Variants in FXR2 observed in about 807,000 individuals in gnomAD.
FXR2 encodes RNA-binding protein FXR2.
Under a neutral mutation model 87.3 loss-of-function variants are expected in FXR2, and 9 were observed. The ratio of observed to expected loss-of-function variants is 0.10; its 90% CI spans 0.06 to 0.18. The LOEUF (loss-of-function observed/expected upper bound fraction) is 0.18, where lower values mean the gene tolerates loss of function less well. Ranked by LOEUF, FXR2 falls within the 10% of genes least tolerant of loss-of-function variation. The probability of loss-of-function intolerance (pLI) is 1.00; values close to 1 mark genes in which losing one functional copy is unlikely to be tolerated. For synonymous variants in FXR2, 331 were observed against 328.3 expected, an observed-to-expected ratio of 1.01 and a Z score of -0.09; for missense variants, 661 against 893.6, an observed-to-expected ratio of 0.74 and a Z score of 3.32.
chr17:7,605,784 G>A (rs2071798536), intron 2 of FXR2, 46 bp from the exon 3 acceptor site: 1 of 1,089,378 alleles, frequency 9.2e-7, no homozygotes, highest in African/African-American at 1.5e-5. Context: ...GACTGATATG[G>A]TTGCCCATTT....
At chr17:7,596,106 A>G (rs2071705431) in intron 7 of FXR2, 112 bp from the exon 8 acceptor site, 10 of 851,110 alleles carry the variant, frequency 1.2e-5, no homozygotes, top group Admixed American at 2.2e-5. Context: ...ATAGAAAGCT[A>G]GAACCACTCT....
chr17:7,605,563 GA>G, intron 3 of FXR2, 81 bp downstream of exon 3: 1 of 731,746 alleles, frequency 1.4e-6, no homozygotes, highest in Non-Finnish European at 2.4e-6. Context: ...AGTTGGGGAG[GA>G]AGGAACATGA....
chr17:7,604,222 A>G (rs2150945250), intron 3 of FXR2, 142 bp from the exon 4 acceptor site: 1 of 659,894 alleles, frequency 1.5e-6, no homozygotes, highest in Non-Finnish European at 2.7e-6. Flanking sequence ...GCTTATGCCC[A>G]GGAGTTCAAG....
In FXR2 at chr17:7,593,666, G is replaced by A. The variant is rs949983747; in HGVS notation, c.1108-41C>T. On this transcript the variant is annotated intron_variant, in intron 11 of 16. Transcript: ENST00000250113. The surrounding 1 kb of genome is among the most constrained non-coding windows in gnomAD (Gnocchi z 6.1). The stretch of plus-strand genomic sequence containing the variant: ...ATGGAAGAAGGGGAAGGAGAAATAA[G>A]ATCAGTGCCTTGCTTCATGCTTCTG... 6 of 1,350,132 alleles carry A rather than the reference G, an allele frequency of 4.4e-6. No homozygotes were observed. The Admixed American group carries it at 7.8e-5, about 18-fold the overall frequency. 83.6% of individuals were successfully genotyped at this position (1,350,132 alleles called of 1,614,324 possible). A position where few individuals can be genotyped will look rare whatever the true frequency, so the allele number is the denominator to read the frequency against.
chr17:7,607,182 G>A lies in FXR2; in HGVS notation c.82-1033C>T, dbSNP rs189599455. ...AAAATACAAAAATTAGCCAGGTGTGGTGGTGCATGTCTGTAATCCCAGCTA... is the reference window on the plus strand; with the variant it reads ...AAAATACAAAAATTAGCCAGGTGTGATGGTGCATGTCTGTAATCCCAGCTA... On this transcript the variant is annotated intron_variant, in intron 1 of 16. Coordinates refer to ENST00000250113, the MANE Select transcript of FXR2 (RefSeq NM_004860.4). 4.1e-4 allele frequency among the ~76,000 whole-genome samples: 63 copies of A among 152,074 alleles called. No homozygotes were observed. In the East Asian group the frequency reaches 0.011, roughly 27 times the overall value.
At position 7,594,953 on chromosome 17, in the gene FXR2, A is replaced by G. The variant is rs72827590; in HGVS notation, c.832-196T>C. 0.08 allele frequency among the ~76,000 whole-genome samples: 12,121 copies of G among 152,060 alleles called. 620 individuals are homozygous for G. The highest frequency in any genetic ancestry group is 0.12 in the East Asian group (598 of 5,176). Reference sequence around the variant, plus strand: ...ACAAAAATCAAAATACAAAAATACTAAAATACTAAAAATACAAAATTGGTG... The same window carrying G: ...ACAAAAATCAAAATACAAAAATACTGAAATACTAAAAATACAAAATTGGTG... On this transcript the variant is annotated intron_variant, in intron 8 of 16. Coordinates refer to ENST00000250113, the MANE Select transcript of FXR2 (RefSeq NM_004860.4). The surrounding 1 kb of genome is among the most constrained non-coding windows in gnomAD (Gnocchi z 5.1).
At chr17:7,603,404 G>A (rs1243479918) in intron 5 of FXR2, among the ~76,000 whole-genome samples, 2 of 151,796 alleles carry the variant, frequency 1.3e-5, no homozygotes, top group African/African-American at 4.8e-5. Flanking sequence ...GTGCATGCCT[G>A]TAATCCCAGC....
intron 1 of FXR2, among the ~76,000 whole-genome samples, chr17:7,606,585 A>G (rs2071804902): frequency 6.6e-6 from 1 of 152,214 alleles, no homozygotes; most frequent in Non-Finnish European, 1.5e-5. Context: ...CTACCTCCGC[A>G]ATACAGCAAG....
Position 7,595,763 on chromosome 17 carries a change from A to C in FXR2, c.831+61T>G. On this transcript the variant is annotated intron_variant, in intron 8 of 16. Transcript: ENST00000250113. This position sits in a 1 kb window ranked among gnomAD's most constrained non-coding sequence, Gnocchi z 4.7. ...GTGCCCAGTTTGAGGCTTATTTTCT[A>C]CTTCGGCCTCTCTTCCCTCTATCCC... The C allele has an allele frequency of 7.2e-7, 1 of 1,393,452 alleles. No individual in the cohort carries two copies. Among genetic ancestry groups the C allele is most frequent in the South Asian group, 1.2e-5 (1 of 81,706 alleles). 86.3% of individuals were successfully genotyped at this position (1,393,452 alleles called of 1,614,324 possible).
At chr17:7,611,603 G>A (rs1401466266) in intron 1 of FXR2, among the ~76,000 whole-genome samples, 1 of 152,088 alleles carries the variant, frequency 6.6e-6, no homozygotes, top group Admixed American at 6.6e-5. Context: ...GGGAGGCGGA[G>A]GCTGCAGTGA....
In FXR2 at chr17:7,605,695, G is replaced by A. The variant is rs1324358098; in HGVS notation, c.178C>T (p.Pro60Ser). 1 of 1,600,460 alleles carries A rather than the reference G, an allele frequency of 6.2e-7. No homozygotes were observed. The highest frequency in any genetic ancestry group is 8.6e-7 in the Non-Finnish European group (1 of 1,168,720). ...RQIPFGDVRL[P>S]PPADYNKEIT... ...TCCTTATTATAGTCAGCTGGAGGTGGTAGCCGGACATCCCCAAAAGGAATT... is the reference window on the plus strand; with the variant it reads ...TCCTTATTATAGTCAGCTGGAGGTGATAGCCGGACATCCCCAAAAGGAATT... Residue 60 changes from proline to serine, a missense_variant, in exon 3 of 17, where the codon CCA (proline) becomes TCA (serine). Pro to Ser is a moderately conservative substitution (Grantham distance 74). This residue lies in a region of FXR2 where 170 missense variants were observed against 247.2 expected (regional missense o/e 0.69). Transcript: ENST00000250113.
At chr17:7,608,077 C>T (rs907597540) in intron 1 of FXR2, among the ~76,000 whole-genome samples, 3 of 151,990 alleles carry the variant, frequency 2.0e-5, no homozygotes, top group Non-Finnish European at 4.4e-5. Flanking sequence ...AGGTATGAAC[C>T]ATCGCACCAG....
At chr17:7,602,247 C>A (rs1441302261) in intron 6 of FXR2, among the ~76,000 whole-genome samples, 3 of 151,950 alleles carry the variant, frequency 2.0e-5, no homozygotes, top group East Asian at 3.9e-4. Flanking sequence ...TATGGTGAAA[C>A]CCTGTTTCTA....
rs1479109777 is a variant in FXR2 at position 7,593,921 on chromosome 17, C to T, written c.1104G>A (p.Leu368=). ...QALLEYHLSY[L]QEVEQLRLER... ...TTTTCTCTCCCGGCCTGGGTACCTGCAGGTAGGAGAGGTGATACTCCAGCA... is the reference window on the plus strand; with the variant it reads ...TTTTCTCTCCCGGCCTGGGTACCTGTAGGTAGGAGAGGTGATACTCCAGCA... The change falls in exon 11 of 17, where the codon CTG becomes CTA. Residue 368 remains leucine (L), a synonymous_variant. Transcript: ENST00000250113. The surrounding 1 kb of genome is among the most constrained non-coding windows in gnomAD (Gnocchi z 6.1). 2.3e-5 allele frequency: 37 copies of T among 1,597,110 alleles called. No individual in the cohort carries two copies. The highest frequency in any genetic ancestry group is 3.0e-5 in the Non-Finnish European group (35 of 1,164,530).
chr17:7,604,357 G>C (rs2071784770), intron 3 of FXR2, among the ~76,000 whole-genome samples: 1 of 151,936 alleles, frequency 6.6e-6, no homozygotes. Flanking sequence ...TTGAGCTCAG[G>C]AGTTCAAGAA....
At chr17:7,596,829 G>A (rs1018665911) in intron 7 of FXR2, among the ~76,000 whole-genome samples, 4 of 152,120 alleles carry the variant, frequency 2.6e-5, no homozygotes, top group Admixed American at 6.6e-5. Flanking sequence ...TAGGCTGTGC[G>A]CGGTGGCTCA....
intron 1 of FXR2, among the ~76,000 whole-genome samples, chr17:7,609,122 T>C (rs980888803): frequency 2.6e-5 from 4 of 151,858 alleles, no homozygotes; most frequent in Non-Finnish European, 5.9e-5. Flanking sequence ...AAAAACAAAA[T>C]AAATAAACAA....
At position 7,591,871 on chromosome 17, in the gene FXR2, C is replaced by T. The variant is rs1400686935; in HGVS notation, c.1981G>A (p.Ala661Thr). 7 of 1,604,640 alleles carry T rather than the reference C, an allele frequency of 4.4e-6. No homozygotes were observed. The highest frequency in any genetic ancestry group is 3.3e-4 in the Middle Eastern group (2 of 6,072). ...KGPSENGELS[A>T]PLELGSMVNG... ...ACCATACTACCCAACTCCAAGGGGG[C>T]GGAGAGCTCCCCATTCTCCGAGGGG... The change falls in exon 17 of 17, where the codon GCC (alanine) becomes ACC (threonine). Residue 661 changes from alanine to threonine, a missense_variant. Physicochemically the swap from Ala to Thr is moderately conservative, Grantham distance 58. Around this residue, in one of 3 missense-constraint regions of FXR2, gnomAD observed 409 missense variants for 432.0 expected, o/e 0.95. Transcript: ENST00000250113. The surrounding 1 kb of genome is among the most constrained non-coding windows in gnomAD (Gnocchi z 4.0).
intron 1 of FXR2, among the ~76,000 whole-genome samples, chr17:7,611,815 T>C (rs1444123807): frequency 6.6e-6 from 1 of 152,172 alleles, no homozygotes; most frequent in Non-Finnish European, 1.5e-5. Context: ...TCATGAATAT[T>C]AAATCAGCAG....
Sources: allele counts gnomAD v4.1 joint callset (sites outside exome capture counted in the v4.1 genomes callset), GRCh38; gene constraint gnomAD v4.1.1; regional missense constraint gnomAD v4.1.1; non-coding constraint Gnocchi (gnomAD v3.1); transcripts MANE v1.5; gene names NCBI Gene and HGNC (gene_info 2026-07-23, HGNC 2026-07-21).